The following LHX4 variants were observed in gnomAD, a reference collection of about 807,000 sequenced individuals.
The protein encoded by LHX4 is LIM homeobox 4, also known as LIM/homeobox protein Lhx4.
Under a neutral mutation model 39.2 loss-of-function variants are expected in LHX4, and 16 were observed. That is an observed-to-expected ratio of 0.41 (90% CI 0.28 to 0.62). The LOEUF (loss-of-function observed/expected upper bound fraction) is 0.62. Ranked by LOEUF, LHX4 falls within the 20% of genes least tolerant of loss-of-function variation. LHX4 has a pLI of 0.33. For missense variants in LHX4, 439 were observed against 511.9 expected (o/e 0.86, Z 1.37); for synonymous variants, 206 against 198.1 (o/e 1.04, Z -0.33).
intron 1 of LHX4, among the ~76,000 whole-genome samples, chr1:180,231,539 A>T (rs1664179361): frequency 7.5e-6 from 1 of 134,008 alleles, no homozygotes. Context: ...AGAGGCCAGA[A>T]CAGGTGCCCA....
intron 1 of LHX4, among the ~76,000 whole-genome samples, chr1:180,247,213 G>A (rs977480100): frequency 2.6e-5 from 4 of 152,290 alleles, no homozygotes; most frequent in African/African-American, 9.6e-5. Flanking sequence ...CAATCCCTTG[G>A]AAAGATGGGA....
At chr1:180,263,298 A>T (rs776101853) in intron 2 of LHX4, among the ~76,000 whole-genome samples, 2 of 152,192 alleles carry the variant, frequency 1.3e-5, no homozygotes, top group Non-Finnish European at 2.9e-5. Flanking sequence ...AGGGCAAGTC[A>T]TGTGACCTGC....
chr1:180,237,887 AT>A (rs1664361403), intron 1 of LHX4, among the ~76,000 whole-genome samples: 1 of 152,244 alleles, frequency 6.6e-6, no homozygotes, highest in South Asian at 2.1e-4. Flanking sequence ...AGAAAAATAC[AT>A]TGTAGAGATT....
chr1:180,274,572 C>T lies in LHX4; in HGVS notation c.1166C>T (p.Pro389Leu). ...TGGCTCGATGAAATGGATCATCCTCCTTTTTAAACTTCTCTCCTCCCCACC... is the reference window on the plus strand; with the variant it reads ...TGGCTCGATGAAATGGATCATCCTCTTTTTTAAACTTCTCTCCTCCCCACC... ...GSWLDEMDHP[P>L]F is the part of the protein sequence containing the mutation. Residue 389 changes from proline to leucine, a missense_variant, in exon 6 of 6, where the codon CCT becomes CTT. Coordinates refer to ENST00000263726, the MANE Select transcript of LHX4 (RefSeq NM_033343.4). 6.4e-7 allele frequency: 1 copy of T among 1,571,290 alleles called. No individual in the cohort carries two copies. Among genetic ancestry groups the T allele is most frequent in the Non-Finnish European group, 8.6e-7 (1 of 1,159,288 alleles).
intron 2 of LHX4, among the ~76,000 whole-genome samples, chr1:180,263,171 A>G (rs1276829939): frequency 6.6e-6 from 1 of 151,800 alleles, no homozygotes; most frequent in Non-Finnish European, 1.5e-5. Flanking sequence ...CGTCCTTCAT[A>G]TTTGGTCCAG....
intron 1 of LHX4, among the ~76,000 whole-genome samples, chr1:180,231,031 G>A (rs1291573751): frequency 6.6e-6 from 1 of 151,894 alleles, no homozygotes; most frequent in Non-Finnish European, 1.5e-5. Flanking sequence ...GGAAGTTGGA[G>A]AGCGCGTCTC....
At chr1:180,273,840 G>A (rs1190627739) in intron 5 of LHX4, 1 of 320,210 alleles carries the variant, frequency 3.1e-6, no homozygotes, top group East Asian at 7.6e-5. Context: ...TTCCATTTGT[G>A]ATGTGGAGAC....
intron 1 of LHX4, among the ~76,000 whole-genome samples, chr1:180,247,479 C>T (rs1647434904): frequency 6.6e-6 from 1 of 152,168 alleles, no homozygotes; most frequent in East Asian, 1.9e-4. Context: ...AGCACTTCAT[C>T]GCCTCCGCCG....
At position 180,232,231 on chromosome 1, in the gene LHX4, A is replaced by T. The variant is rs78141698; in HGVS notation, c.76+1626A>T. Among the ~76,000 whole-genome samples the T allele has an allele frequency of 1.3e-5, 2 of 152,032 alleles. No individual in the cohort carries two copies. The highest frequency in any genetic ancestry group is 4.8e-5 in the African/African-American group (2 of 41,394). ...GGGGGAAGGGTGTGTGTGTGTTACT[A>T]GTGTCCTTGGTACCCAGTACGTCTG... On this transcript the variant is annotated intron_variant, in intron 1 of 5. Coordinates refer to ENST00000263726, the MANE Select transcript of LHX4 (RefSeq NM_033343.4). This position sits in a 1 kb window ranked among gnomAD's most constrained non-coding sequence, Gnocchi z 5.4.
At chr1:180,240,788 C>A (rs564131894) in intron 1 of LHX4, among the ~76,000 whole-genome samples, 2 of 152,168 alleles carry the variant, frequency 1.3e-5, no homozygotes, top group Non-Finnish European at 2.9e-5. Flanking sequence ...CTTTCGGAAA[C>A]CATTAATGGA....
chr1:180,266,263 G>A lies in LHX4; in HGVS notation c.249-129G>A. 1.2e-6 allele frequency: 1 copy of A among 848,104 alleles called. No homozygotes were observed. 52.5% of individuals were successfully genotyped at this position (848,104 alleles called of 1,614,324 possible). A position where few individuals can be genotyped will look rare whatever the true frequency, so the allele number is the denominator to read the frequency against. On this transcript the variant is annotated intron_variant, in intron 2 of 5. Coordinates refer to ENST00000263726, the MANE Select transcript of LHX4 (RefSeq NM_033343.4). The surrounding 1 kb of genome is among the most constrained non-coding windows in gnomAD (Gnocchi z 5.7). ...CAGAGAGGACCAGACGGTAAGCTCT[G>A]GGTGACTGGGGGGTGAGGCTCATGG...
chr1:180,254,300 C>T (rs1571270339), intron 2 of LHX4, among the ~76,000 whole-genome samples: 1 of 152,212 alleles, frequency 6.6e-6, no homozygotes, highest in Non-Finnish European at 1.5e-5. Context: ...GCCAGAGGCT[C>T]CCGGTAGCGG....
At chr1:180,245,069 C>T (rs1647336214) in intron 1 of LHX4, among the ~76,000 whole-genome samples, 1 of 152,212 alleles carries the variant, frequency 6.6e-6, no homozygotes, top group African/African-American at 2.4e-5. Context: ...ACTCACTTCC[C>T]TGAGCTGGCA....
In LHX4 at chr1:180,272,015, G is replaced by C; in HGVS notation, c.778+9G>C. The C allele has an allele frequency of 6.2e-7, 1 of 1,610,090 alleles. No individual in the cohort carries two copies. The highest frequency in any genetic ancestry group is 1.3e-5 in the African/African-American group (1 of 74,822). ...TGAGCTGAGCTTCCGAGGTGAGCAG[G>C]GCTGGAGGGGCCAGGCCGAGGCCTT... On this transcript the variant is annotated intron_variant, in intron 5 of 5. Transcript: ENST00000263726.
At chr1:180,273,634 G>C (rs546198737) in intron 5 of LHX4, 13 of 153,948 alleles carry the variant, frequency 8.4e-5, no homozygotes, top group African/African-American at 3.1e-4. Context: ...CCAGTGAAGA[G>C]CTTATTGAAT....
chr1:180,235,443 C>G (rs1198078395), intron 1 of LHX4, among the ~76,000 whole-genome samples: 1 of 152,258 alleles, frequency 6.6e-6, no homozygotes, highest in Non-Finnish European at 1.5e-5. Context: ...AGACCCATTT[C>G]GTTCCAAGCA....
At chr1:180,239,316 G>A (rs762533285) in intron 1 of LHX4, among the ~76,000 whole-genome samples, 14 of 152,224 alleles carry the variant, frequency 9.2e-5, no homozygotes, top group Non-Finnish European at 1.6e-4. Flanking sequence ...TGAGGCAACA[G>A]AACAGCAATG....
At chr1:180,253,955 G>C (rs1162203786) in intron 2 of LHX4, among the ~76,000 whole-genome samples, 1 of 152,220 alleles carries the variant, frequency 6.6e-6, no homozygotes, top group Non-Finnish European at 1.5e-5. Context: ...GGAGAAACCT[G>C]CCATGTGGAT....
rs1228992738 is a variant in LHX4, at chr1:180,234,218, T to A, written c.76+3613T>A. ...ATATATATATATATATATATATATA[T>A]ATAATAGATTGAGATTCTATCATAT... On this transcript the variant is annotated intron_variant, in intron 1 of 5. Coordinates refer to ENST00000263726, the MANE Select transcript of LHX4 (RefSeq NM_033343.4). The surrounding 1 kb of genome is among the most constrained non-coding windows in gnomAD (Gnocchi z 4.8). Among the ~76,000 whole-genome samples, 37 of 70,724 alleles carry A rather than the reference T, an allele frequency of 5.2e-4. 2 individuals carry two copies. Among genetic ancestry groups the A allele is most frequent in the African/African-American group, 2.4e-3 (31 of 13,054 alleles). 46.4% of individuals were successfully genotyped at this position (70,724 alleles called of 152,430 possible).
Sources: allele counts gnomAD v4.1 joint callset (sites outside exome capture counted in the v4.1 genomes callset), GRCh38; gene constraint gnomAD v4.1.1; non-coding constraint Gnocchi (gnomAD v3.1); transcripts MANE v1.5; gene names NCBI Gene and HGNC (gene_info 2026-07-23, HGNC 2026-07-21).